Variants in TM9SF4 observed in about 807,000 individuals in gnomAD.
TM9SF4 encodes the protein transmembrane 9 superfamily member 4.
A neutral mutation model predicts 90.4 loss-of-function variants in TM9SF4; 26 were observed. The observed-to-expected ratio is 0.29, with a 90% CI of 0.21 to 0.40. TM9SF4 has a LOEUF of 0.40. TM9SF4 is among the 10% of genes least tolerant of loss of function. The pLI is 1.00. For synonymous variants in TM9SF4, 293 were observed against 315.4 expected (o/e 0.93, Z 0.75); for missense variants, 549 against 834.8 (o/e 0.66, Z 4.22).
At position 32,166,780 on chromosome 20, in the gene TM9SF4, C is replaced by A. The variant is rs2047104603; in HGVS notation, c.*1336C>A. ...GCTCTTAAGTTACAAGAGACCACATCCACCCAGGGATTAGGGTTCAAGTAG... is the reference window on the plus strand; with the variant it reads ...GCTCTTAAGTTACAAGAGACCACATACACCCAGGGATTAGGGTTCAAGTAG... On this transcript the variant is annotated 3_prime_UTR_variant, in exon 18 of 18. Transcript: ENST00000398022. The A allele has an allele frequency of 1.3e-5, 2 of 152,198 alleles. No homozygotes were observed. Among genetic ancestry groups the A allele is most frequent in the Admixed American group, 1.3e-4 (2 of 15,272 alleles). The allele number at this position is 152,198 out of a possible 1,614,324, so 9.4% of individuals were successfully genotyped here. A position where few individuals can be genotyped will look rare whatever the true frequency, so the allele number is the denominator to read the frequency against.
chr20:32,131,015 TA>T (rs983173444), intron 1 of TM9SF4, among the ~76,000 whole-genome samples: 3 of 151,382 alleles, frequency 2.0e-5, no homozygotes, highest in South Asian at 2.1e-4. Flanking sequence ...AAAGTTCTTT[TA>T]AAAAAAAATG....
rs6061200 is a variant in TM9SF4, at chr20:32,163,266, A to T, written c.1779+1901A>T. Among the ~76,000 whole-genome samples the T allele has an allele frequency of 1.7e-3, 133 of 77,574 alleles. 1 individual carries two copies. Among genetic ancestry groups the T allele is most frequent in the East Asian group, 7.4e-3 (19 of 2,562 alleles). 50.9% of individuals were successfully genotyped at this position (77,574 alleles called of 152,430 possible). On this transcript the variant is annotated intron_variant, in intron 17 of 17. Transcript: ENST00000398022. ...ATCTCAAAAAAAAAAAAAAAAAAAAAAAATATATATATATATATATATATA... is the reference window on the plus strand; with the variant it reads ...ATCTCAAAAAAAAAAAAAAAAAAAATAAATATATATATATATATATATATA...
At chr20:32,153,094 G>C (rs1025831204) in intron 12 of TM9SF4, among the ~76,000 whole-genome samples, 7 of 152,164 alleles carry the variant, frequency 4.6e-5, no homozygotes, top group Non-Finnish European at 8.8e-5. Context: ...CTAAGGTTCT[G>C]GAATGGCCTA....
intron 1 of TM9SF4, among the ~76,000 whole-genome samples, chr20:32,126,225 C>T (rs2046420772): frequency 6.6e-6 from 1 of 152,102 alleles, no homozygotes; most frequent in Admixed American, 6.6e-5. Context: ...TAGGATGGTC[C>T]ATGAACCAAA....
At chr20:32,125,384 A>G (rs1383837449) in intron 1 of TM9SF4, among the ~76,000 whole-genome samples, 1 of 152,218 alleles carries the variant, frequency 6.6e-6, no homozygotes, top group African/African-American at 2.4e-5. Flanking sequence ...TCACACAGCT[A>G]GGAAGTGGTA....
chr20:32,163,260 A>T lies in TM9SF4; in HGVS notation c.1779+1895A>T, dbSNP rs1409178458. Among the ~76,000 whole-genome samples the T allele has an allele frequency of 1.2e-4, 13 of 104,502 alleles. No homozygotes were observed. The East Asian group carries it at 2.3e-3, about 18-fold the overall frequency. The allele number at this position is 104,502 out of a possible 152,430, so 68.6% of individuals were successfully genotyped here. Reference sequence around the variant, plus strand: ...GACTCCATCTCAAAAAAAAAAAAAAAAAAAAAAAATATATATATATATATA... The same window carrying T: ...GACTCCATCTCAAAAAAAAAAAAAATAAAAAAAAATATATATATATATATA... On this transcript the variant is annotated intron_variant, in intron 17 of 17. Transcript: ENST00000398022.
At chr20:32,123,845 CATAT>C (rs778502518) in intron 1 of TM9SF4, among the ~76,000 whole-genome samples, 3 of 108,718 alleles carry the variant, frequency 2.8e-5, no homozygotes, top group African/African-American at 7.4e-5. Flanking sequence ...TTCTCTCTCT[CATAT>C]ATATATATAT....
chr20:32,109,773 CG>C lies in TM9SF4; in HGVS notation c.15+21del, dbSNP rs2046111733. On this transcript the variant is annotated intron_variant, in intron 1 of 17. Transcript: ENST00000398022. The stretch of plus-strand genomic sequence containing the variant: ...CGGCGATGGTGAGTGAAGGAGACTC[CG>C]GGAGCGGGAGCTGGAGCGGGGCCCT... The C allele has an allele frequency of 6.4e-7, 1 of 1,551,430 alleles. No homozygotes were observed. The highest frequency in any genetic ancestry group is 2.0e-5 in the Admixed American group (1 of 50,986).
intron 5 of TM9SF4, among the ~76,000 whole-genome samples, chr20:32,142,331 A>G (rs1247819387): frequency 6.6e-6 from 1 of 152,180 alleles, no homozygotes; most frequent in Non-Finnish European, 1.5e-5. Context: ...AGCCCTTCCC[A>G]GCACAGCCCT....
chr20:32,142,913 A>G lies in TM9SF4; in HGVS notation c.529-69A>G, dbSNP rs578200293. The G allele has an allele frequency of 3.2e-6, 5 of 1,552,934 alleles. No homozygotes were observed. The South Asian group carries it at 5.7e-5, about 18-fold the overall frequency. ...ACAACCAGGCATGCTGGGTGAGGCA[A>G]GGGCCCTAATACCTGGAGAGTATCC... On this transcript the variant is annotated intron_variant, in intron 5 of 17. Coordinates refer to ENST00000398022, the MANE Select transcript of TM9SF4 (RefSeq NM_014742.4).
Position 32,160,003 on chromosome 20 carries a change from G to C in TM9SF4, c.1581G>C (p.Glu527Asp). The change falls in exon 16 of 18, where the codon GAG (glutamate) becomes GAC (aspartate). Residue 527 changes from glutamate to aspartate, a missense_variant. Physicochemically the swap from Glu to Asp is conservative, Grantham distance 45 (BLOSUM62 2). Coordinates refer to ENST00000398022, the MANE Select transcript of TM9SF4 (RefSeq NM_014742.4). ...ELFFIFSAIWENQFYYLFGFL... is the reference protein window; with the variant it reads ...ELFFIFSAIWDNQFYYLFGFL... ...CTGTGTGTCCACAGGCTATCTGGGA[G>C]AATCAGTTCTATTACCTCTTTGGCT... is the stretch of plus-strand genomic sequence containing the variant. 6.2e-7 allele frequency: 1 copy of C among 1,614,242 alleles called. No homozygotes were observed. Among genetic ancestry groups the C allele is most frequent in the Admixed American group, 1.7e-5 (1 of 60,026 alleles).
At chr20:32,122,133 G>C (rs1462334981) in intron 1 of TM9SF4, among the ~76,000 whole-genome samples, 5 of 140,622 alleles carry the variant, frequency 3.6e-5, no homozygotes, top group Non-Finnish European at 7.7e-5. Flanking sequence ...CCTCCCAGAC[G>C]GGGCAGCTGG....
chr20:32,140,514 CA>C (rs1367421830), intron 3 of TM9SF4, among the ~76,000 whole-genome samples: 1 of 152,192 alleles, frequency 6.6e-6, no homozygotes, highest in Non-Finnish European at 1.5e-5. Context: ...GCACATTGTG[CA>C]AAGTAAATCC....
At chr20:32,159,879 G>C in intron 15 of TM9SF4, 113 bp from the exon 16 acceptor site, 1 of 1,471,440 alleles carries the variant, frequency 6.8e-7, no homozygotes, top group Non-Finnish European at 9.4e-7. Flanking sequence ...AGGCCCACGG[G>C]CCCTGATGGT....
At chr20:32,153,555 C>T (rs2235905) in intron 12 of TM9SF4, among the ~76,000 whole-genome samples, 18,365 of 151,972 alleles carry the variant, frequency 0.12, 1,246 homozygotes, top group East Asian at 0.18. Context: ...TTGAGATCAG[C>T]CTGGGCAACA....
intron 17 of TM9SF4, among the ~76,000 whole-genome samples, chr20:32,163,417 G>T (rs1034178629): frequency 6.0e-5 from 9 of 151,134 alleles, no homozygotes; most frequent in African/African-American, 1.9e-4. Flanking sequence ...AAGATGGCCA[G>T]TGGCAGCCCT....
chr20:32,115,807 CTTTT>C (rs386393622), intron 1 of TM9SF4, among the ~76,000 whole-genome samples: 3 of 95,166 alleles, frequency 3.2e-5, no homozygotes, highest in African/African-American at 4.8e-5. Flanking sequence ...CCACTTTAAG[CTTTT>C]TTTTTTTTTT....
chr20:32,146,972 G>A (rs1057175297), intron 9 of TM9SF4, 117 bp downstream of exon 9: 1 of 804,618 alleles, frequency 1.2e-6, no homozygotes, highest in Non-Finnish European at 1.9e-6. Context: ...TACTAAAACA[G>A]TTTAGTATAC....
At chr20:32,130,489 C>T (rs906500060) in intron 1 of TM9SF4, among the ~76,000 whole-genome samples, 1 of 152,098 alleles carries the variant, frequency 6.6e-6, no homozygotes. Context: ...GACACACTTG[C>T]GTTCTAACCA....
Sources: gnomAD v4.1 joint callset for allele counts (sites outside exome capture counted in the v4.1 genomes callset) on GRCh38, gnomAD v4.1.1 for gene constraint, MANE v1.5 for transcripts, NCBI Gene and HGNC (gene_info 2026-07-23, HGNC 2026-07-21) for gene names.